SLCO3A1: variants seen among roughly 807,000 people sequenced by gnomAD.
SLCO3A1 encodes solute carrier organic anion transporter family member 3A1.
A neutral mutation model predicts 63.1 loss-of-function variants in SLCO3A1; 27 were observed. The observed-to-expected ratio is 0.43, with a 90% CI of 0.32 to 0.59. The LOEUF is 0.59. SLCO3A1 is among the 20% of genes least tolerant of loss of function. The pLI, the probability that SLCO3A1 is intolerant of heterozygous loss-of-function variation, is 0.09. For synonymous variants in SLCO3A1, 473 were observed against 409.9 expected (o/e 1.15, Z -1.86); for missense variants, 773 against 945.8 (o/e 0.82, Z 2.40).
chr15:91,917,231 C>T (rs1463886003), intron 2 of SLCO3A1, among the ~76,000 whole-genome samples: 1 of 152,080 alleles, frequency 6.6e-6, no homozygotes, highest in Non-Finnish European at 1.5e-5. Context: ...TGTCTCCTGC[C>T]AGCTGCTGGA....
chr15:92,050,085 C>G (rs1266702291), intron 2 of SLCO3A1, among the ~76,000 whole-genome samples: 2 of 152,214 alleles, frequency 1.3e-5, no homozygotes, highest in African/African-American at 4.8e-5. Context: ...ATAGTCAATG[C>G]TCCTGATCAC....
At chr15:92,092,564 G>C (rs2047489961) in intron 2 of SLCO3A1, among the ~76,000 whole-genome samples, 1 of 152,046 alleles carries the variant, frequency 6.6e-6, no homozygotes, top group African/African-American at 2.4e-5. Flanking sequence ...AGCCTGGATG[G>C]GAGGATATGA....
chr15:92,058,800 G>A (rs1278724500), intron 2 of SLCO3A1, among the ~76,000 whole-genome samples: 1 of 152,132 alleles, frequency 6.6e-6, no homozygotes, highest in African/African-American at 2.4e-5. Flanking sequence ...GGAAGAATCT[G>A]TGCCTGCCCC....
chr15:91,899,354 A>G (rs1362394032), intron 1 of SLCO3A1, among the ~76,000 whole-genome samples: 1 of 152,198 alleles, frequency 6.6e-6, no homozygotes, highest in Non-Finnish European at 1.5e-5. Context: ...GTACCTGGTT[A>G]GTTCACCAAC....
intron 1 of SLCO3A1, among the ~76,000 whole-genome samples, chr15:91,857,279 CT>C (rs1433364034): frequency 6.6e-6 from 1 of 152,170 alleles, no homozygotes; most frequent in African/African-American, 2.4e-5. Flanking sequence ...GAAAGCCAGA[CT>C]CAGTGATCTA....
Position 91,916,424 on chromosome 15 carries a change from C to T in SLCO3A1, c.612C>T (p.Asp204=). 6.2e-7 allele frequency: 1 copy of T among 1,612,508 alleles called. No homozygotes were observed. The highest frequency in any genetic ancestry group is 1.3e-5 in the African/African-American group (1 of 75,012). ...CCCTGGGCGTCTCCTACATCGACGA[C>T]CACGTGCGGAGGAAGGACTCCTCGC... The part of the protein sequence containing the change: ...VQPLGVSYID[D]HVRRKDSSLY... The change falls in exon 2 of 10, where the codon GAC becomes GAT. Residue 204 remains aspartate (D), a synonymous_variant. Coordinates refer to ENST00000318445, the MANE Select transcript of SLCO3A1 (RefSeq NM_013272.4). This position sits in a 1 kb window ranked among gnomAD's most constrained non-coding sequence, Gnocchi z 6.2.
intron 1 of SLCO3A1, among the ~76,000 whole-genome samples, chr15:91,892,049 T>G (rs1181769915): frequency 1.3e-5 from 2 of 152,192 alleles, no homozygotes; most frequent in Admixed American, 1.3e-4. Flanking sequence ...AATGTTCCAG[T>G]ATGACATTGA....
intron 2 of SLCO3A1, among the ~76,000 whole-genome samples, chr15:92,010,603 T>C (rs2046358695): frequency 6.6e-6 from 1 of 152,224 alleles, no homozygotes. Flanking sequence ...ACAGTGCCAT[T>C]GTCCTTACCT....
At chr15:92,117,242 T>A (rs1442564321) in intron 4 of SLCO3A1, among the ~76,000 whole-genome samples, 2 of 152,200 alleles carry the variant, frequency 1.3e-5, no homozygotes, top group African/African-American at 4.8e-5. Flanking sequence ...GTGATAAAAC[T>A]GAAATCATCA....
At chr15:91,878,057 A>G (rs986766641) in intron 1 of SLCO3A1, among the ~76,000 whole-genome samples, 1 of 149,750 alleles carries the variant, frequency 6.7e-6, no homozygotes, top group African/African-American at 2.5e-5. Flanking sequence ...AACCATCATC[A>G]GGTGGCATCT....
Position 92,163,158 on chromosome 15 carries a change from T to C in SLCO3A1, c.*23T>C, listed in dbSNP as rs1360598503. The C allele has an allele frequency of 1.4e-6, 2 of 1,465,318 alleles. No individual in the cohort carries two copies. The highest frequency in any genetic ancestry group is 5.1e-5 in the Admixed American group (2 of 39,104). The allele number at this position is 1,465,318 out of a possible 1,614,324, so 90.8% of individuals were successfully genotyped here. A position where few individuals can be genotyped will look rare whatever the true frequency, so the allele number is the denominator to read the frequency against. Reference sequence around the variant, plus strand: ...TAGTGACTAAAGGAGGGCTGAACTCTGTATTAGTAATCCAAGGGTCATTTT... The same window carrying C: ...TAGTGACTAAAGGAGGGCTGAACTCCGTATTAGTAATCCAAGGGTCATTTT... On this transcript the variant is annotated 3_prime_UTR_variant, in exon 10 of 10. Transcript: ENST00000318445.
intron 2 of SLCO3A1, among the ~76,000 whole-genome samples, chr15:92,084,373 C>T (rs1036557991): frequency 5.9e-5 from 9 of 152,166 alleles, no homozygotes; most frequent in South Asian, 4.1e-4. Flanking sequence ...CTGTGCACTA[C>T]GTATTTGACC....
chr15:91,881,677 AG>A (rs1451026648), intron 1 of SLCO3A1, among the ~76,000 whole-genome samples: 10 of 152,194 alleles, frequency 6.6e-5, no homozygotes, highest in African/African-American at 2.4e-5. Context: ...TCAGTCAGCG[AG>A]CCAGTCAGCA....
intron 3 of SLCO3A1, among the ~76,000 whole-genome samples, chr15:92,102,956 CAG>C (rs2047624405): frequency 6.6e-6 from 1 of 152,182 alleles, no homozygotes; most frequent in East Asian, 1.9e-4. Flanking sequence ...CTATAGAAAA[CAG>C]ATAATAAAAG....
chr15:92,165,836 T>C lies in SLCO3A1; in HGVS notation c.*2701T>C. ...TTTGGTTTCAAGTGAATGAAAAGAT[T>C]TCCTGGTAAGATCATTGGATTTACA... On this transcript the variant is annotated 3_prime_UTR_variant, in exon 10 of 10. Coordinates refer to ENST00000318445, the MANE Select transcript of SLCO3A1 (RefSeq NM_013272.4). 1 of 985,294 alleles carries C rather than the reference T, an allele frequency of 1.0e-6. No homozygotes were observed. Among genetic ancestry groups the C allele is most frequent in the Non-Finnish European group, 1.2e-6 (1 of 829,820 alleles). 61.0% of individuals were successfully genotyped at this position (985,294 alleles called of 1,614,324 possible). A position where few individuals can be genotyped will look rare whatever the true frequency, so the allele number is the denominator to read the frequency against.
intron 9 of SLCO3A1, among the ~76,000 whole-genome samples, chr15:92,159,127 T>A (rs1250282565): frequency 6.6e-6 from 1 of 152,198 alleles, no homozygotes. Context: ...AACTCCATTT[T>A]AAAGATGAAG....
chr15:92,139,144 T>C (rs373684897), intron 7 of SLCO3A1, among the ~76,000 whole-genome samples: 3 of 151,356 alleles, frequency 2.0e-5, no homozygotes, highest in Middle Eastern at 6.8e-3. Flanking sequence ...TTTTGAAATA[T>C]GTCCCATCAA....
At position 92,162,969 on chromosome 15, in the gene SLCO3A1, T is replaced by C. The variant is rs752563583; in HGVS notation, c.1967T>C (p.Ile656Thr). 6 of 1,613,852 alleles carry C rather than the reference T, an allele frequency of 3.7e-6. No individual in the cohort carries two copies. The South Asian group carries it at 5.5e-5, about 15-fold the overall frequency. Reference sequence around the variant, plus strand: ...CTGAGGAAAAACTATAAACGCTACATCAAAAACCACGAGGGCGGGCTGAGC... The same window carrying C: ...CTGAGGAAAAACTATAAACGCTACACCAAAAACCACGAGGGCGGGCTGAGC... ...QCLRKNYKRYIKNHEGGLSTS... is the reference protein window; with the variant it reads ...QCLRKNYKRYTKNHEGGLSTS... The change falls in exon 10 of 10, where the codon ATC becomes ACC. Residue 656 changes from isoleucine to threonine, a missense_variant. Ile to Thr is a moderately conservative substitution (Grantham distance 89). This residue lies in a region of SLCO3A1 where 139 missense variants were observed against 131.4 expected (regional missense o/e 1.06). Transcript: ENST00000318445.
chr15:92,074,929 T>C (rs905778092), intron 2 of SLCO3A1, among the ~76,000 whole-genome samples: 9 of 152,196 alleles, frequency 5.9e-5, no homozygotes, highest in Admixed American at 1.3e-4. Context: ...TTCCGGGTCC[T>C]CTGGATGCCT....
Sources: allele counts gnomAD v4.1 joint callset (sites outside exome capture counted in the v4.1 genomes callset), GRCh38; gene constraint gnomAD v4.1.1; regional missense constraint gnomAD v4.1.1; non-coding constraint Gnocchi (gnomAD v3.1); transcripts MANE v1.5; gene names NCBI Gene and HGNC (gene_info 2026-07-23, HGNC 2026-07-21).